TENM4: variants seen among roughly 807,000 people sequenced by gnomAD.
The protein encoded by TENM4 is teneurin-4.
A neutral mutation model predicts 243.3 loss-of-function variants in TENM4; 82 were observed. The observed-to-expected ratio is 0.34, with a 90% CI of 0.28 to 0.40. The LOEUF (loss-of-function observed/expected upper bound fraction) is 0.40, where lower values mean the gene tolerates loss of function less well. TENM4 is among the 10% of genes least tolerant of loss of function. The probability of loss-of-function intolerance (pLI) is 1.00; values close to 1 mark genes in which losing one functional copy is unlikely to be tolerated. For missense variants in TENM4, 3,138 were observed against 3,673.3 expected (o/e 0.85, Z 3.77); for synonymous variants, 1,412 against 1,456.3 (o/e 0.97, Z 0.69).
At chr11:79,328,600 G>C (rs1394311698) in intron 1 of TENM4, among the ~76,000 whole-genome samples, 1 of 152,236 alleles carries the variant, frequency 6.6e-6, no homozygotes, top group East Asian at 1.9e-4. Flanking sequence ...CGGTGGTGGT[G>C]GCGGTGTGGG....
At chr11:79,425,728 C>T (rs1031089098) in intron 1 of TENM4, among the ~76,000 whole-genome samples, 2 of 152,216 alleles carry the variant, frequency 1.3e-5, no homozygotes, top group Admixed American at 6.5e-5. Context: ...GGCCTTGGCT[C>T]CCATCCCTCT....
intron 1 of TENM4, among the ~76,000 whole-genome samples, chr11:79,417,353 G>A (rs1049687612): frequency 6.6e-6 from 1 of 152,176 alleles, no homozygotes; most frequent in African/African-American, 2.4e-5. Flanking sequence ...CCTCTGGGCT[G>A]TTTGTTGATG....
rs530560272 is a variant in TENM4, at chr11:78,903,469, AGCG to A, written c.545_547del (p.Pro182del). The A allele has an allele frequency of 2.0e-5, 31 of 1,547,994 alleles. No homozygotes were observed. The highest frequency in any genetic ancestry group is 9.9e-5 in the Admixed American group (5 of 50,656). Reference sequence around the variant, plus strand: ...CTGGTTGGGGGTGTGGGCGTGCGAGAGCGGCGGCGGCGGCGTCCGGAGCCGCGC... The same window carrying A: ...CTGGTTGGGGGTGTGGGCGTGCGAGAGCGGCGGCGGCGTCCGGAGCCGCGC... On this transcript the variant is annotated inframe_deletion, in exon 7 of 34. Transcript: ENST00000278550.
intron 3 of TENM4, among the ~76,000 whole-genome samples, chr11:79,173,406 G>C (rs1484851510): frequency 6.6e-6 from 1 of 151,992 alleles, no homozygotes; most frequent in African/African-American, 2.4e-5. Flanking sequence ...TCTTCTTCTT[G>C]GCAGTTGGCA....
intron 4 of TENM4, among the ~76,000 whole-genome samples, chr11:79,120,259 A>G (rs1263120297): frequency 6.6e-6 from 1 of 152,234 alleles, no homozygotes; most frequent in Non-Finnish European, 1.5e-5. Flanking sequence ...CTTCCCTAAG[A>G]TAGAGATAGC....
rs369623873 is a variant in TENM4 at position 78,726,234 on chromosome 11, A to G, written c.3407-12T>C. The G allele has an allele frequency of 6.5e-5, 105 of 1,613,210 alleles. No individual in the cohort carries two copies. Among genetic ancestry groups the G allele is most frequent in the Middle Eastern group, 1.7e-4 (1 of 6,058 alleles). On this transcript the variant is annotated splice_polypyrimidine_tract_variant and intron_variant, in intron 22 of 33. Coordinates refer to ENST00000278550, the MANE Select transcript of TENM4 (RefSeq NM_001098816.3). The stretch of plus-strand genomic sequence containing the variant: ...ATAACCCACGGAAACTGTAGGTGAC[A>G]GAATGAGGCAAAATGCATAAGTGAG...
chr11:78,815,403 T>C (rs1044544679), intron 12 of TENM4, among the ~76,000 whole-genome samples: 27 of 152,038 alleles, frequency 1.8e-4, no homozygotes, highest in African/African-American at 6.5e-4. Flanking sequence ...AAAAAAGTTT[T>C]CTTTCCTATT....
At chr11:78,926,457 A>T (rs1426702218) in intron 6 of TENM4, among the ~76,000 whole-genome samples, 1 of 151,988 alleles carries the variant, frequency 6.6e-6, no homozygotes, top group East Asian at 1.9e-4. Context: ...TATTTTTAGT[A>T]GAAACGGGGT....
At chr11:79,060,148 T>C (rs1860048872) in intron 6 of TENM4, among the ~76,000 whole-genome samples, 1 of 152,120 alleles carries the variant, frequency 6.6e-6, no homozygotes, top group Non-Finnish European at 1.5e-5. Context: ...CTAAAAAACA[T>C]CTATTGCATG....
chr11:78,995,682 G>T (rs1379936454), intron 6 of TENM4, among the ~76,000 whole-genome samples: 4 of 151,082 alleles, frequency 2.6e-5, no homozygotes, highest in African/African-American at 9.7e-5. Context: ...AATGGGCCTT[G>T]AACATCACTG....
intron 6 of TENM4, among the ~76,000 whole-genome samples, chr11:78,929,748 T>G (rs954951656): frequency 1.3e-5 from 2 of 152,184 alleles, no homozygotes; most frequent in Non-Finnish European, 2.9e-5. Context: ...CTTCAAGGAT[T>G]TATTCTCTTG....
At chr11:78,964,540 G>A (rs1442316716) in intron 6 of TENM4, among the ~76,000 whole-genome samples, 3 of 152,140 alleles carry the variant, frequency 2.0e-5, no homozygotes, top group African/African-American at 7.2e-5. Context: ...TAAAAATTCA[G>A]GCTATGATTC....
chr11:79,271,527 C>A (rs1855969032), intron 2 of TENM4, among the ~76,000 whole-genome samples: 1 of 152,200 alleles, frequency 6.6e-6, no homozygotes, highest in Non-Finnish European at 1.5e-5. Flanking sequence ...GGTAAACAGT[C>A]TGTGTTTGCT....
intron 7 of TENM4, among the ~76,000 whole-genome samples, chr11:78,892,081 G>T (rs1855681382): frequency 6.6e-6 from 1 of 152,192 alleles, no homozygotes; most frequent in African/African-American, 2.4e-5. Context: ...GTGATAACTG[G>T]CTAGCAAGGA....
intron 12 of TENM4, among the ~76,000 whole-genome samples, chr11:78,815,799 A>C (rs1006893962): frequency 2.0e-5 from 3 of 152,268 alleles, no homozygotes; most frequent in Non-Finnish European, 4.4e-5. Context: ...AAAACAAAAC[A>C]AAACCAACAG....
At chr11:78,855,934 G>T in intron 11 of TENM4, 30 bp downstream of exon 11, 1 of 1,546,836 alleles carries the variant, frequency 6.5e-7, no homozygotes, top group Non-Finnish European at 8.7e-7. Context: ...AGCCCATGCA[G>T]ATCAACAGGG....
chr11:78,885,817 C>G (rs112533169), intron 9 of TENM4, among the ~76,000 whole-genome samples: 1 of 151,982 alleles, frequency 6.6e-6, no homozygotes, highest in Non-Finnish European at 1.5e-5. Flanking sequence ...CCCGGCTGCT[C>G]GGGAGGCTGA....
At chr11:79,181,744 A>T (rs1473098419) in intron 3 of TENM4, among the ~76,000 whole-genome samples, 1 of 152,066 alleles carries the variant, frequency 6.6e-6, no homozygotes, top group Non-Finnish European at 1.5e-5. Flanking sequence ...ATAAGCAATT[A>T]TAGCAAGGTT....
intron 3 of TENM4, among the ~76,000 whole-genome samples, chr11:79,159,576 A>G (rs900222174): frequency 2.0e-5 from 3 of 152,136 alleles, no homozygotes; most frequent in African/African-American, 7.2e-5. Flanking sequence ...CCCACCTCTC[A>G]TAATTATAAT....
Sources: allele counts gnomAD v4.1 joint callset (sites outside exome capture counted in the v4.1 genomes callset), GRCh38; gene constraint gnomAD v4.1.1; transcripts MANE v1.5; gene names NCBI Gene and HGNC (gene_info 2026-07-23, HGNC 2026-07-21).